The following HIPK3 variants were observed in gnomAD, a reference collection of about 807,000 sequenced individuals.
HIPK3 encodes the protein homeodomain interacting protein kinase 3, also known as homeodomain-interacting protein kinase 3.
In HIPK3, 47 loss-of-function variants were observed where a neutral mutation model predicts 124.2. The observed-to-expected ratio is 0.38, with a 90% CI of 0.30 to 0.48. The LOEUF (loss-of-function observed/expected upper bound fraction) is 0.48, where lower values mean the gene tolerates loss of function less well. Ranked by LOEUF, HIPK3 falls within the 20% of genes least tolerant of loss-of-function variation. The pLI is 0.98. For synonymous variants in HIPK3, 482 were observed against 515.2 expected (o/e 0.94, Z 0.87); for missense variants, 1,286 against 1,454.3 (o/e 0.88, Z 1.88).
In HIPK3 at chr11:33,286,404, T is replaced by A; in HGVS notation, c.-2-9T>A. On this transcript the variant is annotated splice_polypyrimidine_tract_variant and intron_variant, in intron 1 of 16. Coordinates refer to ENST00000303296, the MANE Select transcript of HIPK3 (RefSeq NM_005734.5). ...TTTTTTCTTTTCCTTTTTTTTTTTT[T>A]TTTTGCAGGTATGGCCTCACAAGTC... 7.6e-7 allele frequency: 1 copy of A among 1,308,674 alleles called. No individual in the cohort carries two copies. The highest frequency in any genetic ancestry group is 9.8e-7 in the Non-Finnish European group (1 of 1,022,306). 81.1% of individuals were successfully genotyped at this position (1,308,674 alleles called of 1,614,324 possible). A position where few individuals can be genotyped will look rare whatever the true frequency, so the allele number is the denominator to read the frequency against.
chr11:33,354,054 A>G lies in HIPK3; in HGVS notation c.*486A>G, dbSNP rs1853750490. Reference sequence around the variant, plus strand: ...CTTTTGCATGGGCAAAATGTTGCCTAGACTTTGCTCTTAAATGTTGTTCTA... The same window carrying G: ...CTTTTGCATGGGCAAAATGTTGCCTGGACTTTGCTCTTAAATGTTGTTCTA... On this transcript the variant is annotated 3_prime_UTR_variant, in exon 17 of 17. Transcript: ENST00000303296. 6.1e-6 allele frequency: 1 copy of G among 165,044 alleles called. No individual in the cohort carries two copies. Among genetic ancestry groups the G allele is most frequent in the Non-Finnish European group, 1.3e-5 (1 of 75,694 alleles). 10.2% of individuals were successfully genotyped at this position (165,044 alleles called of 1,614,324 possible). A position where few individuals can be genotyped will look rare whatever the true frequency, so the allele number is the denominator to read the frequency against.
At chr11:33,307,151 C>CTGGT (rs1000838829) in intron 2 of HIPK3, among the ~76,000 whole-genome samples, 1 of 151,840 alleles carries the variant, frequency 6.6e-6, no homozygotes, top group South Asian at 2.1e-4. Context: ...GTTGGCCAGG[C>CTGGT]TGGTGTTGAA....
chr11:33,283,615 A>C (rs1437224348), intron 1 of HIPK3, among the ~76,000 whole-genome samples: 1 of 151,864 alleles, frequency 6.6e-6, no homozygotes, highest in East Asian at 1.9e-4. Flanking sequence ...TGTTCCTTGT[A>C]CCATACCTTA....
chr11:33,301,821 GACACACACACACAC>G (rs143389257), intron 2 of HIPK3, among the ~76,000 whole-genome samples: 1 of 127,470 alleles, frequency 7.8e-6, no homozygotes, highest in Admixed American at 8.1e-5. Context: ...AACCCTGTCT[GACACACACACACAC>G]ACACACACAC....
Position 33,347,752 on chromosome 11 carries a change from G to C in HIPK3, c.2143G>C (p.Gly715Arg), listed in dbSNP as rs745699207. 1 of 1,613,454 alleles carries C rather than the reference G, an allele frequency of 6.2e-7. No homozygotes were observed. The highest frequency in any genetic ancestry group is 2.2e-5 in the East Asian group (1 of 44,854). ...TGGTTCACACAGGCTTGGAGACTGGGGGTAAGCTGAAAACAAAAGTACTTT... is the reference window on the plus strand; with the variant it reads ...TGGTTCACACAGGCTTGGAGACTGGCGGTAAGCTGAAAACAAAAGTACTTT... Reference protein sequence around the residue: ...VAGSHRLGDWGKMISCSNHYN... With the variant: ...VAGSHRLGDWRKMISCSNHYN... The change falls in exon 10 of 17, where the codon GGG becomes CGG. Residue 715 changes from glycine (G) to arginine (R), a missense_variant and splice_region_variant. This residue lies in a region of HIPK3 where 810 missense variants were observed against 864.9 expected (regional missense o/e 0.94). Transcript: ENST00000303296.
At chr11:33,318,211 G>GT (rs35678536) in intron 2 of HIPK3, among the ~76,000 whole-genome samples, 43,717 of 151,790 alleles carry the variant, frequency 0.29, 7,267 homozygotes, top group Middle Eastern at 0.43. Context: ...AAGTCCAATA[G>GT]TTTTTTTTCT....
intron 2 of HIPK3, 136 bp downstream of exon 2, chr11:33,287,647 C>T (rs560257273): frequency 2.4e-5 from 23 of 968,604 alleles, no homozygotes; most frequent in Middle Eastern, 2.6e-4. Context: ...AATTTAGGTT[C>T]GTTTTAAAGA....
intron 1 of HIPK3, among the ~76,000 whole-genome samples, chr11:33,266,429 T>G (rs1438751075): frequency 6.6e-6 from 1 of 152,104 alleles, no homozygotes; most frequent in Non-Finnish European, 1.5e-5. Context: ...TTGAAAAATA[T>G]GAACACTTCT....
chr11:33,286,852 A>C lies in HIPK3; in HGVS notation c.438A>C (p.Glu146Asp). 6.2e-7 allele frequency: 1 copy of C among 1,614,212 alleles called. No individual in the cohort carries two copies. The highest frequency in any genetic ancestry group is 8.5e-7 in the Non-Finnish European group (1 of 1,180,040). The change falls in exon 2 of 17, where the codon GAA becomes GAC. Residue 146 changes from glutamate to aspartate, a missense_variant. Transcript: ENST00000303296. ...GCAGCGCAATGCAGATTGTCGATGA[A>C]TTGTCCATACTTCCTGCAATGTTGC... Reference protein sequence around the residue: ...NHSSAMQIVDELSILPAMLQT... With the variant: ...NHSSAMQIVDDLSILPAMLQT...
At chr11:33,287,536 G>T (rs1315039738) in intron 2 of HIPK3, 25 bp downstream of exon 2, 1 of 1,579,190 alleles carries the variant, frequency 6.3e-7, no homozygotes, top group Non-Finnish European at 8.6e-7. Flanking sequence ...CATACTTTTT[G>T]GTTGTTTATT....
At chr11:33,350,632 C>T (rs539788051) in intron 14 of HIPK3, among the ~76,000 whole-genome samples, 1 of 152,060 alleles carries the variant, frequency 6.6e-6, no homozygotes, top group African/African-American at 2.4e-5. Context: ...TATGATCACA[C>T]CACTGCACTA....
intron 2 of HIPK3, among the ~76,000 whole-genome samples, chr11:33,288,232 G>A (rs1216930696): frequency 2.0e-5 from 3 of 152,024 alleles, no homozygotes; most frequent in African/African-American, 7.2e-5. Flanking sequence ...GCGGGTGGAT[G>A]ACCTGAGGTT....
intron 2 of HIPK3, among the ~76,000 whole-genome samples, chr11:33,326,270 G>A (rs570346498): frequency 1.3e-5 from 2 of 152,192 alleles, no homozygotes; most frequent in South Asian, 4.1e-4. Context: ...TAATCCCCAG[G>A]GTTTCTGATT....
upstream of HIPK3, chr11:33,257,372 G>A (rs1311406751): frequency 1.0e-6 from 1 of 984,876 alleles, no homozygotes; most frequent in Non-Finnish European, 1.2e-6. Flanking sequence ...GCCCGAGGCT[G>A]GGGCGGCTGG....
intron 2 of HIPK3, among the ~76,000 whole-genome samples, chr11:33,306,555 G>T (rs1037099454): frequency 6.6e-6 from 1 of 151,868 alleles, no homozygotes; most frequent in Non-Finnish European, 1.5e-5. Context: ...TTATATTTCC[G>T]TATTTATTCA....
intron 1 of HIPK3, among the ~76,000 whole-genome samples, chr11:33,279,567 A>T (rs1176674781): frequency 6.6e-6 from 1 of 152,188 alleles, no homozygotes; most frequent in Non-Finnish European, 1.5e-5. Flanking sequence ...TATGGGTGTC[A>T]ATATTGATTA....
rs1170810415 is a variant in HIPK3, at chr11:33,326,070, G to A, written c.1098-2440G>A. ...ATTTACAGCAGAGATGGGGCCAGGAGTAGAATATTCACTGGACAGATCCCA... is the reference window on the plus strand; with the variant it reads ...ATTTACAGCAGAGATGGGGCCAGGAATAGAATATTCACTGGACAGATCCCA... On this transcript the variant is annotated intron_variant, in intron 2 of 16. Transcript: ENST00000303296. Among the ~76,000 whole-genome samples the A allele has an allele frequency of 2.0e-5, 3 of 152,282 alleles. No homozygotes were observed. The East Asian group carries it at 5.8e-4, about 29-fold the overall frequency.
At position 33,353,329 on chromosome 11, in the gene HIPK3, T is replaced by C; in HGVS notation, c.3409T>C (p.Leu1137=). The C allele has an allele frequency of 3.7e-6, 6 of 1,614,148 alleles. 1 individual carries two copies. Among genetic ancestry groups the C allele is most frequent in the South Asian group, 3.3e-5 (3 of 91,084 alleles). The stretch of plus-strand genomic sequence containing the variant: ...TAGTGCTGCACCAGTGGCCCACCTG[T>C]TAGCCTCTCCGTGTACCTCAAGACC... The part of the protein sequence containing the change: ...LSSAAPVAHL[L]ASPCTSRPML... The change falls in exon 17 of 17, where the codon TTA becomes CTA. Residue 1137 remains leucine (L), a synonymous_variant. Transcript: ENST00000303296.
chr11:33,270,641 C>T (rs760333144), intron 1 of HIPK3, among the ~76,000 whole-genome samples: 23 of 152,036 alleles, frequency 1.5e-4, no homozygotes, highest in African/African-American at 4.1e-4. Flanking sequence ...TAGAACATTA[C>T]GCTGCTATTT....
Sources: gnomAD v4.1 joint callset for allele counts (sites outside exome capture counted in the v4.1 genomes callset) on GRCh38, gnomAD v4.1.1 for gene constraint, gnomAD v4.1.1 regional missense constraint, MANE v1.5 for transcripts, NCBI Gene and HGNC (gene_info 2026-07-23, HGNC 2026-07-21) for gene names.